The following SMIM31 variants were observed in gnomAD, a reference collection of about 807,000 sequenced individuals.
SMIM31 encodes human epithelial cell program regulator.
chr4:164,798,841 G>A (rs565712885), intron 2 of SMIM31, among the ~76,000 whole-genome samples: 2 of 152,226 alleles, frequency 1.3e-5, no homozygotes, highest in African/African-American at 4.8e-5. Flanking sequence ...CTCATGAATG[G>A]TTTAACACCA....
chr4:164,771,216 G>A (rs1039834468), intron 2 of SMIM31, among the ~76,000 whole-genome samples: 5 of 152,166 alleles, frequency 3.3e-5, no homozygotes, highest in Admixed American at 6.5e-5. Context: ...ACAAAAAGCC[G>A]CAGTAAATAG....
At chr4:164,794,679 C>A (rs975119860) in intron 2 of SMIM31, among the ~76,000 whole-genome samples, 4 of 151,924 alleles carry the variant, frequency 2.6e-5, no homozygotes, top group Non-Finnish European at 4.4e-5. Context: ...GTGGCGTGCG[C>A]CTGTAGTCCC....
rs538063357 is a variant in SMIM31, at chr4:164,777,486, TA to T, written c.112+6932del. Among the ~76,000 whole-genome samples the T allele has an allele frequency of 2.4e-4, 37 of 152,326 alleles. 1 individual carries two copies. The highest frequency in any genetic ancestry group is 8.7e-4 in the African/African-American group (36 of 41,574). ...TCTTTATATCTCTAGAGGTAGCACA[TA>T]GTGACGCGGCAGTAGCTGCTCTTTC... is the stretch of plus-strand genomic sequence containing the variant. On this transcript the variant is annotated intron_variant, in intron 2 of 2. Coordinates refer to ENST00000507311, the MANE Select transcript of SMIM31 (RefSeq NM_001352885.1).
chr4:164,788,700 G>A (rs1733061735), intron 2 of SMIM31, among the ~76,000 whole-genome samples: 1 of 150,792 alleles, frequency 6.6e-6, no homozygotes, highest in Admixed American at 6.6e-5. Context: ...TGTTGAGGCT[G>A]GTATCGAACT....
At chr4:164,768,916 C>T (rs954821908) in intron 1 of SMIM31, among the ~76,000 whole-genome samples, 1 of 152,176 alleles carries the variant, frequency 6.6e-6, no homozygotes, top group Non-Finnish European at 1.5e-5. Flanking sequence ...AGTGCATCAG[C>T]ATCTCTACTA....
chr4:164,761,772 A>T (rs1471430281), intron 1 of SMIM31, among the ~76,000 whole-genome samples: 1 of 151,310 alleles, frequency 6.6e-6, no homozygotes, highest in Non-Finnish European at 1.5e-5. Context: ...CAAAAAAAAA[A>T]AATTAGCCAG....
At chr4:164,782,705 G>T (rs1579069590) in intron 2 of SMIM31, among the ~76,000 whole-genome samples, 1 of 150,842 alleles carries the variant, frequency 6.6e-6, no homozygotes, top group East Asian at 1.9e-4. Flanking sequence ...ATTCAGCATT[G>T]AATAACAAAG....
chr4:164,791,770 A>C (rs7681785), intron 2 of SMIM31, among the ~76,000 whole-genome samples: 110,548 of 151,936 alleles, frequency 0.73, 40,736 homozygotes, highest in Non-Finnish European at 0.8. Flanking sequence ...GGAGTGGTGA[A>C]GTCTGGGCTT....
intron 2 of SMIM31, among the ~76,000 whole-genome samples, chr4:164,793,442 A>G (rs1733132683): frequency 6.6e-6 from 1 of 152,240 alleles, no homozygotes; most frequent in Non-Finnish European, 1.5e-5. Context: ...ACCAGGTATT[A>G]GTCTGCCATA....
At chr4:164,799,758 G>T (rs956478202) in intron 2 of SMIM31, among the ~76,000 whole-genome samples, 1 of 152,192 alleles carries the variant, frequency 6.6e-6, no homozygotes, top group Non-Finnish European at 1.5e-5. Context: ...ATCACAAAAC[G>T]CAGTGATCTT....
intron 2 of SMIM31, among the ~76,000 whole-genome samples, chr4:164,781,746 C>T (rs947433498): frequency 2.0e-5 from 3 of 152,082 alleles, no homozygotes; most frequent in African/African-American, 7.2e-5. Flanking sequence ...ACCCACTGTG[C>T]CAAGCAAAAA....
intron 1 of SMIM31, among the ~76,000 whole-genome samples, chr4:164,763,628 A>T (rs991505751): frequency 2.0e-5 from 3 of 152,222 alleles, no homozygotes; most frequent in African/African-American, 7.2e-5. Context: ...TCTTTATTTC[A>T]CATGTGATCC....
At chr4:164,778,155 A>G (rs539236636) in intron 2 of SMIM31, among the ~76,000 whole-genome samples, 14 of 152,346 alleles carry the variant, frequency 9.2e-5, no homozygotes, top group African/African-American at 3.1e-4. Context: ...TGGGAGGCCA[A>G]GGCAGGAGGA....
intron 2 of SMIM31, among the ~76,000 whole-genome samples, chr4:164,799,108 G>A (rs555528337): frequency 6.6e-6 from 1 of 152,046 alleles, no homozygotes; most frequent in Non-Finnish European, 1.5e-5. Flanking sequence ...CCCAGTCTCT[G>A]GGCATGGTGG....
intron 1 of SMIM31, among the ~76,000 whole-genome samples, chr4:164,770,097 T>G (rs1732773556): frequency 6.6e-6 from 1 of 152,204 alleles, no homozygotes. Flanking sequence ...CCCGTTTAAG[T>G]GCTCATTGCA....
At chr4:164,766,796 CA>C (rs33966423) in intron 1 of SMIM31, among the ~76,000 whole-genome samples, 224 of 115,934 alleles carry the variant, frequency 1.9e-3, no homozygotes, top group Admixed American at 2.5e-3. Flanking sequence ...GACTCCATCT[CA>C]AAAAAAAAAA....
intron 1 of SMIM31, among the ~76,000 whole-genome samples, chr4:164,755,405 A>G (rs1332975198): frequency 6.7e-6 from 1 of 149,636 alleles, no homozygotes; most frequent in Non-Finnish European, 1.5e-5. Context: ...ACTTGAGCCC[A>G]GGAGGCGGAG....
chr4:164,782,472 A>G (rs182722947), intron 2 of SMIM31, among the ~76,000 whole-genome samples: 10,350 of 136,290 alleles, frequency 0.076, 1,063 homozygotes, highest in African/African-American at 0.24. Context: ...TCCGCTTCCC[A>G]GGTTCACGCC....
chr4:164,790,952 AT>A (rs1733092132), intron 2 of SMIM31, among the ~76,000 whole-genome samples: 1 of 152,232 alleles, frequency 6.6e-6, no homozygotes, highest in Non-Finnish European at 1.5e-5. Context: ...TTGTCAGCTA[AT>A]TATTTGCAGA....
Sources: gnomAD v4.1 joint callset for allele counts (sites outside exome capture counted in the v4.1 genomes callset) on GRCh38, gnomAD v4.1.1 for gene constraint, MANE v1.5 for transcripts, NCBI Gene and HGNC (gene_info 2026-07-23, HGNC 2026-07-21) for gene names.